Variants in REPS2 observed in about 807,000 individuals in gnomAD.
The protein encoded by REPS2 is RALBP1 associated Eps domain containing 2.
REPS2 carries 23 observed loss-of-function variants against 53.6 expected under a neutral mutation model. The observed-to-expected ratio is 0.43, with a 90% confidence interval of 0.31 to 0.61. The LOEUF (loss-of-function observed/expected upper bound fraction) is 0.61, where lower values mean the gene tolerates loss of function less well. REPS2 is among the 20% of genes least tolerant of loss of function. REPS2 has a pLI of 0.11. For missense variants in REPS2, 446 were observed against 534.9 expected (o/e 0.83, Z 1.64); for synonymous variants, 238 against 218.6 (o/e 1.09, Z -0.78).
At chrX:17,171,591 C>G in the REPS2 span, among the ~76,000 whole-genome samples, 1 of 111,534 alleles carries the variant, frequency 9.0e-6, no homozygotes, top group Non-Finnish European at 1.9e-5. Context: ...GTGATCACAG[C>G]TCACTGCAGC....
intron 1 of REPS2, among the ~76,000 whole-genome samples, chrX:16,977,222 G>A (rs1363017960): frequency 9.0e-6 from 1 of 111,036 alleles, no homozygotes; most frequent in East Asian, 2.8e-4. Flanking sequence ...TGCCTGTGGG[G>A]CCTTAATGAT....
intron 17 of REPS2, 150 bp from the exon 18 acceptor site, chrX:17,147,263 G>A (rs767782308): frequency 4.8e-6 from 2 of 420,714 alleles, no homozygotes; most frequent in Non-Finnish European, 8.3e-6. Flanking sequence ...CATTAAATCT[G>A]ATACCTCCCA....
chrX:17,043,405 T>C (rs1278154539), intron 5 of REPS2, among the ~76,000 whole-genome samples: 1 of 111,253 alleles, frequency 9.0e-6, no homozygotes, highest in Non-Finnish European at 1.9e-5. Flanking sequence ...GTGGGAGTTC[T>C]TGGCTGTTCA....
intron 1 of REPS2, among the ~76,000 whole-genome samples, chrX:16,964,834 T>G (rs868498004): frequency 3.9e-3 from 84 of 21,817 alleles, no homozygotes; most frequent in Middle Eastern, 0.08. Context: ...CCGGGCAGAG[T>G]GGCTCCTCAC....
rs2061790763 is a variant in REPS2 at position 17,038,247 on chromosome X, G to A, written c.771+8624G>A. Among the ~76,000 whole-genome samples, 3 of 112,494 alleles carry A rather than the reference G, an allele frequency of 2.7e-5. No individual in the cohort carries two copies. The South Asian group carries it at 1.1e-3, about 41-fold the overall frequency. The stretch of plus-strand genomic sequence containing the variant: ...TAAAACATGGTACCATGTAGCAAAG[G>A]AATCCAGCCTATAGCTAGAAAGTGA... On this transcript the variant is annotated intron_variant, in intron 5 of 17. Transcript: ENST00000357277.
the REPS2 span, among the ~76,000 whole-genome samples, chrX:17,178,888 CA>C: frequency 0.029 from 1,912 of 65,221 alleles, 41 homozygotes; most frequent in African/African-American, 0.088. Flanking sequence ...GACTCGGTCT[CA>C]AAAAAAAAAA....
intron 2 of REPS2, among the ~76,000 whole-genome samples, chrX:17,014,110 A>G (rs1219388009): frequency 1.8e-5 from 2 of 111,923 alleles, no homozygotes; most frequent in Non-Finnish European, 3.8e-5. Context: ...GTTGCCTTCA[A>G]TGTCAGGGGT....
chrX:17,164,009 T>C, the REPS2 span, among the ~76,000 whole-genome samples: 1 of 112,090 alleles, frequency 8.9e-6, no homozygotes, highest in Non-Finnish European at 1.9e-5. Context: ...GAACATATAA[T>C]ATATAAAGAT....
intron 1 of REPS2, 108 bp from the exon 2 acceptor site, chrX:17,006,113 T>C: frequency 2.2e-6 from 2 of 918,491 alleles, no homozygotes; most frequent in Non-Finnish European, 1.5e-6. Flanking sequence ...TCAAGGGACT[T>C]TTTTGGTTAG....
intron 14 of REPS2, among the ~76,000 whole-genome samples, chrX:17,128,504 A>G (rs755633207): frequency 1.8e-5 from 2 of 111,575 alleles, no homozygotes; most frequent in African/African-American, 6.5e-5. Flanking sequence ...CAGCTGGGGG[A>G]TGGTGTGCCA....
At chrX:17,175,167 C>T in the REPS2 span, among the ~76,000 whole-genome samples, 1 of 112,458 alleles carries the variant, frequency 8.9e-6, no homozygotes, top group African/African-American at 3.2e-5. Context: ...CTTGTGTGTG[C>T]CATTTTGCTG....
chrX:17,128,533 A>T (rs1183489367), intron 14 of REPS2, among the ~76,000 whole-genome samples: 2 of 112,100 alleles, frequency 1.8e-5, no homozygotes, highest in African/African-American at 6.5e-5. Context: ...AAGGTGACCC[A>T]GGTGGGGCCA....
chrX:17,103,491 G>A (rs776724426), intron 13 of REPS2, among the ~76,000 whole-genome samples: 2 of 111,444 alleles, frequency 1.8e-5, no homozygotes, highest in East Asian at 2.8e-4. Flanking sequence ...TTATTATGTC[G>A]TCTTAATCAT....
At chrX:17,021,263 G>C (rs1488194625) in intron 2 of REPS2, among the ~76,000 whole-genome samples, 1 of 112,478 alleles carries the variant, frequency 8.9e-6, no homozygotes, top group Non-Finnish European at 1.9e-5. Context: ...CTGAGAACTA[G>C]AAGTGTGCCA....
intron 14 of REPS2, among the ~76,000 whole-genome samples, chrX:17,111,160 G>A (rs2062965021): frequency 8.9e-6 from 1 of 112,229 alleles, no homozygotes; most frequent in African/African-American, 3.2e-5. Flanking sequence ...GAACAATAGA[G>A]AAATGTCACT....
At chrX:16,968,731 C>T (rs1256344694) in intron 1 of REPS2, among the ~76,000 whole-genome samples, 106 of 53,759 alleles carry the variant, frequency 2.0e-3, no homozygotes, top group East Asian at 0.013. Context: ...ACGGGGCGGC[C>T]GGCCGGGCAG....
At chrX:17,157,395 A>G (rs1424900182), downstream of REPS2, among the ~76,000 whole-genome samples, 2 of 111,473 alleles carry the variant, frequency 1.8e-5, no homozygotes, top group African/African-American at 6.5e-5. Flanking sequence ...GGGTCCTGTA[A>G]CCATTTCTAA....
chrX:16,969,318 C>T (rs1283473745), intron 1 of REPS2, among the ~76,000 whole-genome samples: 10 of 111,310 alleles, frequency 9.0e-5, no homozygotes, highest in African/African-American at 2.9e-4. Flanking sequence ...ACTTTCCAGA[C>T]GGGGTGGCGG....
At chrX:17,154,221 T>C (rs1231298345), downstream of REPS2, among the ~76,000 whole-genome samples, 1 of 112,163 alleles carries the variant, frequency 8.9e-6, no homozygotes, top group Non-Finnish European at 1.9e-5. Context: ...CTCAGCTGAT[T>C]CAGAGCAAAG....
Sources: allele counts gnomAD v4.1 joint callset (sites outside exome capture counted in the v4.1 genomes callset), GRCh38; gene constraint gnomAD v4.1.1; transcripts MANE v1.5; gene names NCBI Gene and HGNC (gene_info 2026-07-23, HGNC 2026-07-21).